Variants in CAPN1 observed in about 807,000 individuals in gnomAD.
CAPN1 encodes the protein calpain-1 catalytic subunit.
A neutral mutation model predicts 105.2 loss-of-function variants in CAPN1; 77 were observed. The ratio of observed to expected loss-of-function variants is 0.73; its 90% confidence interval spans 0.61 to 0.88. The LOEUF is 0.88. Among genes scored for constraint, CAPN1 ranks in the 40% least tolerant of loss-of-function variants. The probability of loss-of-function intolerance (pLI) is 0.00; values close to 1 mark genes in which losing one functional copy is unlikely to be tolerated. For missense variants in CAPN1, 833 were observed against 976.6 expected (o/e 0.85, Z 1.96); for synonymous variants, 355 against 388.8 (o/e 0.91, Z 1.02).
chr11:65,209,088 A>C lies in CAPN1; in HGVS notation c.1730-235A>C. The C allele has an allele frequency of 1.7e-6, 1 of 576,890 alleles. No homozygotes were observed. Among genetic ancestry groups the C allele is most frequent in the South Asian group, 2.0e-5 (1 of 49,266 alleles). 35.7% of individuals were successfully genotyped at this position (576,890 alleles called of 1,614,324 possible). A position where few individuals can be genotyped will look rare whatever the true frequency, so the allele number is the denominator to read the frequency against. ...CCAATTTCTCGCTCTTCTGTTTCAC[A>C]CTCATTTCTTTTTACTTTGGACTAA... On this transcript the variant is annotated intron_variant, in intron 16 of 21. Transcript: ENST00000279247. The surrounding 1 kb of genome is among the most constrained non-coding windows in gnomAD (Gnocchi z 4.1).
chr11:65,211,323 C>CT lies in CAPN1; in HGVS notation c.*38dup. ...GGTCCCCCTTGCCGTGCTCCCCTCC[C>CT]TCCTCGTCTGCCAAGCCTCGCCTCC... On this transcript the variant is annotated 3_prime_UTR_variant, in exon 22 of 22. Coordinates refer to ENST00000279247, the MANE Select transcript of CAPN1 (RefSeq NM_005186.4). The CT allele has an allele frequency of 6.2e-7, 1 of 1,606,952 alleles. No individual in the cohort carries two copies. The highest frequency in any genetic ancestry group is 8.5e-7 in the Non-Finnish European group (1 of 1,177,068).
In CAPN1 at chr11:65,192,059, C is replaced by A. The variant is rs576508642; in HGVS notation, c.1165+3313C>A. On this transcript the variant is annotated intron_variant, in intron 10 of 21. Coordinates refer to ENST00000279247, the MANE Select transcript of CAPN1 (RefSeq NM_005186.4). ...GAACAGCTTGGGCAATACAGTGAGA[C>A]CTCATCTCTACAAAAAATTTAAAAA... is the stretch of plus-strand genomic sequence containing the variant. Among the ~76,000 whole-genome samples the A allele has an allele frequency of 6.9e-4, 105 of 152,116 alleles. 1 individual carries two copies. The highest frequency in any genetic ancestry group is 2.1e-4 in the Non-Finnish European group (14 of 67,998).
rs17886562 is a variant in CAPN1 at position 65,203,108 on chromosome 11, A to G, written c.1166-1575A>G. On this transcript the variant is annotated intron_variant, in intron 10 of 21. Coordinates refer to ENST00000279247, the MANE Select transcript of CAPN1 (RefSeq NM_005186.4). The stretch of plus-strand genomic sequence containing the variant: ...AAATAATATCCCATTGTTTGGCTCC[A>G]TATTTTGTATATTCACTCTTCAGTT... Among the ~76,000 whole-genome samples the G allele has an allele frequency of 3.5e-3, 528 of 152,198 alleles. 1 individual carries two copies. Among genetic ancestry groups the G allele is most frequent in the African/African-American group, 0.011 (464 of 41,504 alleles).
intron 14 of CAPN1, 115 bp downstream of exon 14, chr11:65,206,934 C>T (rs1226430557): frequency 2.1e-6 from 2 of 960,116 alleles, no homozygotes; most frequent in Admixed American, 2.4e-5. Context: ...AGATCCCCTC[C>T]TGGTGGAAGC....
At chr11:65,205,989 G>A (rs1341368702) in intron 12 of CAPN1, 7 of 550,088 alleles carry the variant, frequency 1.3e-5, no homozygotes, top group Non-Finnish European at 2.3e-5. Context: ...TTCCTGCCTT[G>A]CCATCTACAC....
Position 65,186,041 on chromosome 11 carries a change from C to T in CAPN1, c.581C>T (p.Ala194Val), listed in dbSNP as rs1948628003. Reference protein sequence around the residue: ...NEFWSALLEKAYAKVNGSYEA... With the variant: ...NEFWSALLEKVYAKVNGSYEA... ...TTCTGGAGCGCCCTGCTTGAGAAGG[C>T]CTATGCCAAGTGAGTAGCGGCTGAG... Residue 194 changes from alanine (A) to valine (V), a missense_variant, in exon 5 of 22, where the codon GCC becomes GTC. Physicochemically the swap from Ala to Val is moderately conservative, Grantham distance 64. Transcript: ENST00000279247. The T allele has an allele frequency of 1.2e-6, 2 of 1,611,680 alleles. No homozygotes were observed. The highest frequency in any genetic ancestry group is 1.7e-5 in the Admixed American group (1 of 59,580).
chr11:65,200,040 C>T (rs1948845116), intron 10 of CAPN1, among the ~76,000 whole-genome samples: 3 of 152,088 alleles, frequency 2.0e-5, no homozygotes, highest in African/African-American at 7.2e-5. Context: ...TCCAGAACAC[C>T]TTTTTCGTTC....
chr11:65,205,954 T>C, intron 12 of CAPN1: 1 of 578,344 alleles, frequency 1.7e-6, no homozygotes, highest in East Asian at 2.8e-5. Flanking sequence ...TCAGAGCCCC[T>C]GTCTGACATG....
At chr11:65,196,129 G>T (rs1383625917) in intron 10 of CAPN1, among the ~76,000 whole-genome samples, 1 of 151,686 alleles carries the variant, frequency 6.6e-6, no homozygotes, top group Non-Finnish European at 1.5e-5. Flanking sequence ...TCCTGTTTAG[G>T]CCAGGTAAAG....
At position 65,210,684 on chromosome 11, in the gene CAPN1, T is replaced by A; in HGVS notation, c.2060-130T>A. The A allele has an allele frequency of 1.2e-6, 1 of 810,732 alleles. No homozygotes were observed. Among genetic ancestry groups the A allele is most frequent in the Non-Finnish European group, 2.2e-6 (1 of 463,682 alleles). The allele number at this position is 810,732 out of a possible 1,614,324, so 50.2% of individuals were successfully genotyped here. A position where few individuals can be genotyped will look rare whatever the true frequency, so the allele number is the denominator to read the frequency against. ...GCAGGAAGGGGTGAAGCTTCCCAGC[T>A]TCAAGGGGTGTCAGCTTGCGGTACT... On this transcript the variant is annotated intron_variant, in intron 20 of 21. Transcript: ENST00000279247. The surrounding 1 kb of genome is among the most constrained non-coding windows in gnomAD (Gnocchi z 4.3).
upstream of CAPN1, chr11:65,181,420 G>C (rs1948526281): frequency 4.2e-6 from 1 of 236,050 alleles, no homozygotes. The surrounding 1 kb of genome is among the most constrained non-coding windows in gnomAD (Gnocchi z 4.6). Context: ...GGTAATCTCG[G>C]CCCCGCGCCG....
In CAPN1 at chr11:65,210,234, C is replaced by A; in HGVS notation, c.1943-102C>A. Reference sequence around the variant, plus strand: ...TTGTCCTTTTCCCCACGGTTACTAGCACCCTGCCTAGCCCCAGCCCCCTCC... The same window carrying A: ...TTGTCCTTTTCCCCACGGTTACTAGAACCCTGCCTAGCCCCAGCCCCCTCC... On this transcript the variant is annotated intron_variant, in intron 19 of 21. Transcript: ENST00000279247. This position sits in a 1 kb window ranked among gnomAD's most constrained non-coding sequence, Gnocchi z 4.3. 1 of 1,123,186 alleles carries A rather than the reference C, an allele frequency of 8.9e-7. No individual in the cohort carries two copies. The highest frequency in any genetic ancestry group is 1.3e-6 in the Non-Finnish European group (1 of 751,840). 69.6% of individuals were successfully genotyped at this position (1,123,186 alleles called of 1,614,324 possible).
chr11:65,204,161 C>G (rs1361184011), intron 10 of CAPN1, among the ~76,000 whole-genome samples: 1 of 152,178 alleles, frequency 6.6e-6, no homozygotes, highest in Non-Finnish European at 1.5e-5. Flanking sequence ...CAGTCACATG[C>G]CTCCTCGCTG....
At chr11:65,198,898 G>A (rs1454430394) in intron 10 of CAPN1, among the ~76,000 whole-genome samples, 2 of 152,248 alleles carry the variant, frequency 1.3e-5, no homozygotes, top group South Asian at 2.1e-4. Context: ...GCAGTGGCGC[G>A]ATCTCCACTC....
intron 4 of CAPN1, among the ~76,000 whole-genome samples, chr11:65,184,375 CCCTCGCT>C (rs1334936305): frequency 1.3e-5 from 2 of 152,158 alleles, no homozygotes; most frequent in African/African-American, 4.8e-5. Flanking sequence ...TCGCCCCCTT[CCCTCGCT>C]CCTCCAATCC....
Position 65,206,593 on chromosome 11 carries a change from T to G in CAPN1, c.1484T>G (p.Val495Gly). The G allele has an allele frequency of 6.2e-7, 1 of 1,613,446 alleles. No individual in the cohort carries two copies. The highest frequency in any genetic ancestry group is 8.5e-7 in the Non-Finnish European group (1 of 1,179,864). The change falls in exon 13 of 22, where the codon GTG becomes GGG. Residue 495 changes from valine (V) to glycine (G), a missense_variant. Physicochemically the swap from Val to Gly is moderately radical, Grantham distance 109 (BLOSUM62 -3). Transcript: ENST00000279247. Reference protein sequence around the residue: ...TRFRLPPGEYVVVPSTFEPNK... With the variant: ...TRFRLPPGEYGVVPSTFEPNK... ...TTCCGCCTGCCACCCGGGGAGTATGTGGTGGTGCCCTCCACCTTCGAGCCC... is the reference window on the plus strand; with the variant it reads ...TTCCGCCTGCCACCCGGGGAGTATGGGGTGGTGCCCTCCACCTTCGAGCCC...
At chr11:65,184,543 A>G (rs1008778804) in intron 4 of CAPN1, among the ~76,000 whole-genome samples, 3 of 130,512 alleles carry the variant, frequency 2.3e-5, no homozygotes, top group Non-Finnish European at 4.7e-5. Flanking sequence ...GTCGCTTCTG[A>G]CCCCAGACGC....
rs1949013515 is a variant in CAPN1, at chr11:65,209,598, G to A, written c.1794+211G>A. ...AGACCTGTGTCAAGTGAAAGGTGGAGCAAGACCTGGGTCCCCATTGACCCT... is the reference window on the plus strand; with the variant it reads ...AGACCTGTGTCAAGTGAAAGGTGGAACAAGACCTGGGTCCCCATTGACCCT... On this transcript the variant is annotated intron_variant, in intron 17 of 21. Transcript: ENST00000279247. The surrounding 1 kb of genome is among the most constrained non-coding windows in gnomAD (Gnocchi z 4.1). 4.7e-6 allele frequency: 3 copies of A among 640,252 alleles called. No homozygotes were observed. Among genetic ancestry groups the A allele is most frequent in the Admixed American group, 5.3e-5 (2 of 37,708 alleles). The allele number at this position is 640,252 out of a possible 1,614,324, so 39.7% of individuals were successfully genotyped here.
At chr11:65,182,046 T>C (rs1948542263) in intron 1 of CAPN1, 33 bp downstream of exon 1, 1 of 156,484 alleles carries the variant, frequency 6.4e-6, no homozygotes, top group South Asian at 1.7e-4. Context: ...CGGGATTCCT[T>C]GACCCTGGCC....
Sources: gnomAD v4.1 joint callset for allele counts (sites outside exome capture counted in the v4.1 genomes callset) on GRCh38, gnomAD v4.1.1 for gene constraint, Gnocchi (gnomAD v3.1) non-coding constraint, MANE v1.5 for transcripts, NCBI Gene and HGNC (gene_info 2026-07-23, HGNC 2026-07-21) for gene names.